The following EFCAB13 variants were observed in gnomAD, a reference collection of about 807,000 sequenced individuals.
The protein encoded by EFCAB13 is EF-hand calcium binding domain 13, also known as EF-hand calcium-binding domain-containing protein 13.
Under a neutral mutation model 110.2 loss-of-function variants are expected in EFCAB13, and 91 were observed. That is an observed-to-expected ratio of 0.83 (90% confidence interval 0.70 to 0.98). The LOEUF is 0.98. Among genes scored for constraint, EFCAB13 ranks in the 50% least tolerant of loss-of-function variants. The pLI is 0.00. For missense variants in EFCAB13, 968 were observed against 1,119.4 expected, an observed-to-expected ratio of 0.86 and a Z score of 1.93; for synonymous variants, 323 against 369.9, an observed-to-expected ratio of 0.87 and a Z score of 1.45.
At chr17:47,355,143 G>T (rs1398988696) in intron 9 of EFCAB13, among the ~76,000 whole-genome samples, 1 of 152,166 alleles carries the variant, frequency 6.6e-6, no homozygotes, top group African/African-American at 2.4e-5. Context: ...ATGAAGCTCA[G>T]TTTCACTGGA....
intron 23 of EFCAB13, among the ~76,000 whole-genome samples, chr17:47,421,798 C>T (rs1904729906): frequency 1.3e-5 from 2 of 152,278 alleles, no homozygotes; most frequent in South Asian, 2.1e-4. Flanking sequence ...AAAAACTCAA[C>T]TTACCAAAGT....
chr17:47,365,046 ACCTCTC>A (rs1462112368), intron 10 of EFCAB13, among the ~76,000 whole-genome samples: 2 of 152,112 alleles, frequency 1.3e-5, no homozygotes, highest in African/African-American at 4.8e-5. Flanking sequence ...GTTTTCCCAG[ACCTCTC>A]TGAGTAGGTC....
chr17:47,406,614 A>T (rs1555585910), intron 20 of EFCAB13, among the ~76,000 whole-genome samples: 1 of 152,202 alleles, frequency 6.6e-6, no homozygotes, highest in Non-Finnish European at 1.5e-5. Context: ...GGTAAGGTAC[A>T]TTCACTCATT....
At chr17:47,368,285 G>A (rs2065560505) in intron 10 of EFCAB13, among the ~76,000 whole-genome samples, 1 of 152,180 alleles carries the variant, frequency 6.6e-6, no homozygotes, top group East Asian at 1.9e-4. Context: ...CTTGCAGCCT[G>A]GCATATTGTG....
At position 47,372,106 on chromosome 17, in the gene EFCAB13, A is replaced by T. The variant is rs2065587906; in HGVS notation, c.877+1598A>T. ...ACATTCAAGGTAGTTATTGATATGG[A>T]AGGATTTTACTACTGCCATTTTGTT... On this transcript the variant is annotated intron_variant, in intron 11 of 24. Coordinates refer to ENST00000331493, the MANE Select transcript of EFCAB13 (RefSeq NM_152347.5). Among the ~76,000 whole-genome samples, 4 of 152,154 alleles carry T rather than the reference A, an allele frequency of 2.6e-5. No homozygotes were observed. The South Asian group carries it at 8.3e-4, about 32-fold the overall frequency.
At chr17:47,336,447 A>G (rs1394981597) in intron 5 of EFCAB13, among the ~76,000 whole-genome samples, 2 of 151,864 alleles carry the variant, frequency 1.3e-5, no homozygotes, top group Non-Finnish European at 2.9e-5. Context: ...GACCACCACC[A>G]TGCATGGCTA....
At chr17:47,361,335 A>G in intron 9 of EFCAB13, 43 bp from the exon 10 acceptor site, 1 of 1,597,288 alleles carries the variant, frequency 6.3e-7, no homozygotes, top group African/African-American at 1.3e-5. Flanking sequence ...CTTTTCCAAG[A>G]AAAGCTGTTG....
intron 24 of EFCAB13, among the ~76,000 whole-genome samples, chr17:47,435,483 A>G (rs1905194489): frequency 6.6e-6 from 1 of 152,170 alleles, no homozygotes; most frequent in African/African-American, 2.4e-5. Flanking sequence ...AACTACAAGT[A>G]GGTCTTTTGA....
rs1696859641 is a variant in EFCAB13 at position 47,374,459 on chromosome 17, T to A, written c.878-13T>A. The A allele has an allele frequency of 6.8e-7, 1 of 1,464,434 alleles. No homozygotes were observed. Among genetic ancestry groups the A allele is most frequent in the Non-Finnish European group, 9.1e-7 (1 of 1,101,584 alleles). 90.7% of individuals were successfully genotyped at this position (1,464,434 alleles called of 1,614,324 possible). On this transcript the variant is annotated splice_polypyrimidine_tract_variant and intron_variant, in intron 11 of 24. Transcript: ENST00000331493. The stretch of plus-strand genomic sequence containing the variant: ...ACAGGTAAATGAAATAATTGTATAT[T>A]TCTCTTATTTAGCAATTACAGAAGG...
At chr17:47,383,694 A>G (rs1426388066) in intron 14 of EFCAB13, among the ~76,000 whole-genome samples, 2 of 152,148 alleles carry the variant, frequency 1.3e-5, no homozygotes, top group African/African-American at 4.8e-5. Flanking sequence ...TTTTGCTTCC[A>G]ATTATGTGGT....
At chr17:47,391,317 A>G in intron 14 of EFCAB13, 120 bp from the exon 15 acceptor site, 1 of 671,920 alleles carries the variant, frequency 1.5e-6, no homozygotes, top group South Asian at 3.2e-5. Flanking sequence ...TTAGTATATA[A>G]CACTGCTGAA....
chr17:47,372,124 A>G (rs72825665), intron 11 of EFCAB13, among the ~76,000 whole-genome samples: 7,970 of 152,112 alleles, frequency 0.052, 263 homozygotes, highest in East Asian at 0.11. Flanking sequence ...TACTACTGCC[A>G]TTTTGTTAAT....
At chr17:47,355,061 C>T (rs773507467) in intron 9 of EFCAB13, among the ~76,000 whole-genome samples, 1 of 152,020 alleles carries the variant, frequency 6.6e-6, no homozygotes, top group Admixed American at 6.6e-5. Context: ...TTTTAGCAGT[C>T]AGTAGTGCTG....
At chr17:47,381,903 G>A (rs931054790) in intron 14 of EFCAB13, among the ~76,000 whole-genome samples, 2 of 152,166 alleles carry the variant, frequency 1.3e-5, no homozygotes, top group African/African-American at 4.8e-5. Context: ...AAAGTCAATG[G>A]TAGCTTGATG....
At chr17:47,423,146 T>C (rs967739684) in intron 23 of EFCAB13, among the ~76,000 whole-genome samples, 6 of 152,178 alleles carry the variant, frequency 3.9e-5, no homozygotes, top group African/African-American at 1.4e-4. Flanking sequence ...AAAAATGATA[T>C]TACCAGGACA....
At chr17:47,330,177 G>A (rs1315378987) in intron 4 of EFCAB13, among the ~76,000 whole-genome samples, 1 of 149,348 alleles carries the variant, frequency 6.7e-6, no homozygotes, top group Non-Finnish European at 1.5e-5. Context: ...AACGTTTATT[G>A]TCACTAAACT....
At chr17:47,336,769 T>A (rs941728350) in intron 5 of EFCAB13, among the ~76,000 whole-genome samples, 1 of 152,084 alleles carries the variant, frequency 6.6e-6, no homozygotes, top group Non-Finnish European at 1.5e-5. Context: ...CAGTTCTTTC[T>A]TGTATACTGC....
At chr17:47,438,683 C>T (rs913829949) in intron 24 of EFCAB13, among the ~76,000 whole-genome samples, 1 of 151,862 alleles carries the variant, frequency 6.6e-6, no homozygotes. Context: ...TTGACTATTT[C>T]CCCCTTCACT....
chr17:47,409,955 C>T (rs1296442930), intron 21 of EFCAB13, among the ~76,000 whole-genome samples: 2 of 152,138 alleles, frequency 1.3e-5, no homozygotes, highest in Non-Finnish European at 2.9e-5. Flanking sequence ...TGTACTTCAA[C>T]TAAATTGGCT....
Sources: allele counts gnomAD v4.1 joint callset (sites outside exome capture counted in the v4.1 genomes callset), GRCh38; gene constraint gnomAD v4.1.1; transcripts MANE v1.5; gene names NCBI Gene and HGNC (gene_info 2026-07-23, HGNC 2026-07-21).